RAMP3: variants seen among roughly 807,000 people sequenced by gnomAD.
RAMP3 encodes the protein receptor activity modifying protein 3.
A neutral mutation model predicts 13.5 loss-of-function variants in RAMP3; 14 were observed. That is an observed-to-expected ratio of 1.04 (90% CI 0.69 to 1.63). RAMP3 has a LOEUF of 1.63. Ranked by LOEUF, RAMP3 falls within the 40% of genes most tolerant of loss-of-function variation. RAMP3 has a pLI of 0.00. For missense variants in RAMP3, 200 were observed against 204.8 expected (o/e 0.98, Z 0.14); for synonymous variants, 106 against 88.3 (o/e 1.20, Z -1.12).
chr7:45,159,456 C>G (rs1357411496), intron 1 of RAMP3, among the ~76,000 whole-genome samples: 1 of 152,312 alleles, frequency 6.6e-6, no homozygotes, highest in East Asian at 1.9e-4. Context: ...AGGGTGCAGG[C>G]CTCTGGGGCT....
At chr7:45,161,255 C>A (rs1021625726) in intron 1 of RAMP3, among the ~76,000 whole-genome samples, 1 of 150,776 alleles carries the variant, frequency 6.6e-6, no homozygotes, top group Non-Finnish European at 1.5e-5. Context: ...GATAGCTGTG[C>A]GACCTGGGTG....
chr7:45,175,819 A>C (rs545593233), intron 1 of RAMP3, among the ~76,000 whole-genome samples: 1 of 152,170 alleles, frequency 6.6e-6, no homozygotes, highest in African/African-American at 2.4e-5. Context: ...TTGTTCAACC[A>C]AGGGGCTTCC....
rs1000604267 is a variant in RAMP3 at position 45,183,770 on chromosome 7, C to T, written c.*358C>T. 1.3e-5 allele frequency: 7 copies of T among 540,682 alleles called. No individual in the cohort carries two copies. Among genetic ancestry groups the T allele is most frequent in the Non-Finnish European group, 2.3e-5 (7 of 305,594 alleles). The allele number at this position is 540,682 out of a possible 1,614,324, so 33.5% of individuals were successfully genotyped here. A position where few individuals can be genotyped will look rare whatever the true frequency, so the allele number is the denominator to read the frequency against. ...GCTGTTTCTTAGCACAGAATCCAGC[C>T]TAGCCTTAGCCGCAGTCTAGGCCCT... On this transcript the variant is annotated 3_prime_UTR_variant, in exon 3 of 3. Transcript: ENST00000242249.
chr7:45,157,852 C>T lies in RAMP3; in HGVS notation c.24C>T (p.Arg8=). 4 of 1,421,346 alleles carry T rather than the reference C, an allele frequency of 2.8e-6. No individual in the cohort carries two copies. Among genetic ancestry groups the T allele is most frequent in the Non-Finnish European group, 3.6e-6 (4 of 1,096,198 alleles). The allele number at this position is 1,421,346 out of a possible 1,614,324, so 88.0% of individuals were successfully genotyped here. ...CCATGGAGACTGGAGCGCTGCGGCG[C>T]CCGCAACTTCTCCCGTTGCTGCTGC... is the stretch of plus-strand genomic sequence containing the variant. METGALR[R]PQLLPLLLLL... The change falls in exon 1 of 3, where the codon CGC becomes CGT. Residue 8 remains arginine (R), a synonymous_variant. Transcript: ENST00000242249.
intron 1 of RAMP3, among the ~76,000 whole-genome samples, chr7:45,164,207 T>G (rs986014620): frequency 1.2e-4 from 19 of 152,242 alleles, no homozygotes; most frequent in African/African-American, 4.6e-4. Context: ...TTCTAATAGC[T>G]TCCTGATTTT....
At chr7:45,162,546 C>T (rs573981704) in intron 1 of RAMP3, among the ~76,000 whole-genome samples, 1 of 152,230 alleles carries the variant, frequency 6.6e-6, no homozygotes, top group African/African-American at 2.4e-5. Flanking sequence ...TGGCTTTGAA[C>T]CTTGACTCCC....
rs537857762 is a variant in RAMP3 at position 45,163,257 on chromosome 7, G to A, written c.58+5371G>A. ...AAGATGACAGTGCCCAGAGGAACTA[G>A]GGATAGAGCCCCCAAGCCTCAGGGC... On this transcript the variant is annotated intron_variant, in intron 1 of 2. Coordinates refer to ENST00000242249, the MANE Select transcript of RAMP3 (RefSeq NM_005856.3). 1.2e-4 allele frequency: 118 copies of A among 985,452 alleles called. No homozygotes were observed. The East Asian group carries it at 8.0e-3, about 67-fold the overall frequency. 61.0% of individuals were successfully genotyped at this position (985,452 alleles called of 1,614,324 possible).
intron 1 of RAMP3, among the ~76,000 whole-genome samples, chr7:45,167,942 G>T (rs1292110713): frequency 6.6e-6 from 1 of 152,108 alleles, no homozygotes; most frequent in Non-Finnish European, 1.5e-5. Context: ...CTTTTCCATA[G>T]AAACTTTAGG....
At chr7:45,177,551 C>T in intron 2 of RAMP3, 110 bp downstream of exon 2, 3 of 1,514,366 alleles carry the variant, frequency 2.0e-6, no homozygotes, top group Non-Finnish European at 2.7e-6. Context: ...TCACCCATGC[C>T]TCACCCACAA....
At chr7:45,166,793 T>G (rs1398609717) in intron 1 of RAMP3, among the ~76,000 whole-genome samples, 3 of 152,126 alleles carry the variant, frequency 2.0e-5, no homozygotes, top group Non-Finnish European at 1.5e-5. Context: ...ATTTATTTTT[T>G]GAGACAGAGG....
intron 1 of RAMP3, among the ~76,000 whole-genome samples, chr7:45,172,020 T>G (rs13230259): frequency 0.27 from 40,928 of 152,132 alleles, 6,810 homozygotes; most frequent in African/African-American, 0.47. Flanking sequence ...GCTCCTCCCA[T>G]TGTGGAGCCT....
intron 1 of RAMP3, among the ~76,000 whole-genome samples, chr7:45,175,431 G>A (rs1471406240): frequency 6.6e-6 from 1 of 152,194 alleles, no homozygotes; most frequent in Non-Finnish European, 1.5e-5. Flanking sequence ...ATGGACAGAA[G>A]GGGAGATGTG....
intron 1 of RAMP3, chr7:45,163,186 G>A: frequency 6.1e-6 from 6 of 985,386 alleles, no homozygotes; most frequent in Non-Finnish European, 7.2e-6. Flanking sequence ...AGCCTATTGT[G>A]CAGTTGACTC....
Position 45,183,785 on chromosome 7 carries a change from G to C in RAMP3, c.*373G>C. 1 of 525,430 alleles carries C rather than the reference G, an allele frequency of 1.9e-6. No individual in the cohort carries two copies. Among genetic ancestry groups the C allele is most frequent in the Non-Finnish European group, 3.4e-6 (1 of 298,066 alleles). 32.5% of individuals were successfully genotyped at this position (525,430 alleles called of 1,614,324 possible). A position where few individuals can be genotyped will look rare whatever the true frequency, so the allele number is the denominator to read the frequency against. ...AGAATCCAGCCTAGCCTTAGCCGCA[G>C]TCTAGGCCCTGCTTGGACTAGGACT... is the stretch of plus-strand genomic sequence containing the variant. On this transcript the variant is annotated 3_prime_UTR_variant, in exon 3 of 3. Coordinates refer to ENST00000242249, the MANE Select transcript of RAMP3 (RefSeq NM_005856.3).
chr7:45,172,782 G>A (rs1003788894), intron 1 of RAMP3, among the ~76,000 whole-genome samples: 1 of 152,216 alleles, frequency 6.6e-6, no homozygotes, highest in Non-Finnish European at 1.5e-5. Context: ...TGCAATGATG[G>A]TGCCTCCTTC....
intron 2 of RAMP3, among the ~76,000 whole-genome samples, chr7:45,178,041 C>T (rs939196239): frequency 4.6e-5 from 7 of 150,876 alleles, no homozygotes; most frequent in Admixed American, 2.0e-4. Context: ...GGGTGCTGCC[C>T]TACCCCAGGG....
Position 45,170,857 on chromosome 7 carries a change from C to G in RAMP3, c.59-6452C>G, listed in dbSNP as rs548013968. Among the ~76,000 whole-genome samples the G allele has an allele frequency of 4.6e-5, 7 of 152,002 alleles. No individual in the cohort carries two copies. In the East Asian group the frequency reaches 1.4e-3, roughly 29 times the overall value. On this transcript the variant is annotated intron_variant, in intron 1 of 2. Transcript: ENST00000242249. Reference sequence around the variant, plus strand: ...GAGATGAAGGTTTCACAATGGTGCCCAGGCTGGTCAGGAACTCCCAGCAAC... The same window carrying G: ...GAGATGAAGGTTTCACAATGGTGCCGAGGCTGGTCAGGAACTCCCAGCAAC...
chr7:45,167,568 T>A (rs1015330279), intron 1 of RAMP3, among the ~76,000 whole-genome samples: 9 of 151,506 alleles, frequency 5.9e-5, no homozygotes, highest in Non-Finnish European at 7.4e-5. Flanking sequence ...CTTTTTTTTT[T>A]TTTTTTATTT....
chr7:45,161,362 T>A (rs908322069), intron 1 of RAMP3, among the ~76,000 whole-genome samples: 3 of 151,858 alleles, frequency 2.0e-5, no homozygotes, highest in Non-Finnish European at 4.4e-5. Flanking sequence ...GTGAGGGAGA[T>A]CAGGGGCTCA....
Sources: gnomAD v4.1 joint callset for allele counts (sites outside exome capture counted in the v4.1 genomes callset) on GRCh38, gnomAD v4.1.1 for gene constraint, MANE v1.5 for transcripts, NCBI Gene and HGNC (gene_info 2026-07-23, HGNC 2026-07-21) for gene names.